The following NAV2 variants were observed in gnomAD, a reference collection of about 807,000 sequenced individuals.
The protein encoded by NAV2 is neuron navigator 2, also known as helicase, APC down-regulated 1.
Under a neutral mutation model 223.2 loss-of-function variants are expected in NAV2, and 54 were observed. The observed-to-expected ratio is 0.24, with a 90% CI of 0.19 to 0.30. The LOEUF is 0.30. Ranked by LOEUF, NAV2 falls within the 10% of genes least tolerant of loss-of-function variation. The pLI is 1.00. For synonymous variants in NAV2, 1,279 were observed against 1,239.3 expected (o/e 1.03, Z -0.67); for missense variants, 2,806 against 3,147.5 (o/e 0.89, Z 2.60).
At chr11:19,421,308 C>T (rs926982307) in intron 1 of NAV2, among the ~76,000 whole-genome samples, 2 of 152,178 alleles carry the variant, frequency 1.3e-5, no homozygotes, top group African/African-American at 4.8e-5. Flanking sequence ...GCCCAGCATC[C>T]ATCACAGAGG....
intron 26 of NAV2, among the ~76,000 whole-genome samples, chr11:20,086,549 T>C (rs1255344044): frequency 1.3e-5 from 2 of 151,918 alleles, no homozygotes; most frequent in Non-Finnish European, 2.9e-5. Flanking sequence ...GACATAGAGG[T>C]TTTCCTTGAT....
intron 6 of NAV2, among the ~76,000 whole-genome samples, chr11:19,926,025 T>A (rs2044714313): frequency 1.3e-5 from 2 of 152,180 alleles, no homozygotes; most frequent in South Asian, 4.1e-4. Flanking sequence ...GGCCTCCAAC[T>A]TTGTTCTTTT....
intron 3 of NAV2, among the ~76,000 whole-genome samples, chr11:19,846,299 C>T (rs2060805376): frequency 6.6e-6 from 1 of 152,178 alleles, no homozygotes; most frequent in Admixed American, 6.5e-5. Flanking sequence ...TGAGGCTCTT[C>T]TAGCCTCTGG....
intron 1 of NAV2, among the ~76,000 whole-genome samples, chr11:19,562,498 A>AT (rs199873266): frequency 1.6e-4 from 24 of 151,262 alleles, no homozygotes; most frequent in Admixed American, 2.6e-4. Context: ...GACTCTTCAT[A>AT]TTTTTTTTTC....
chr11:19,982,765 CCTTA>C (rs1276468211), intron 10 of NAV2, among the ~76,000 whole-genome samples: 2 of 152,078 alleles, frequency 1.3e-5, no homozygotes, highest in African/African-American at 4.8e-5. Context: ...CTTCTCTGCC[CCTTA>C]CTTGAACTTC....
chr11:19,879,726 A>AT, intron 4 of NAV2, 143 bp from the exon 5 acceptor site: 1 of 978,254 alleles, frequency 1.0e-6, no homozygotes, highest in Admixed American at 2.1e-5. Context: ...TATAGGCCTG[A>AT]TTTTAATTGC....
At chr11:19,826,820 T>C (rs964757006) in intron 1 of NAV2, among the ~76,000 whole-genome samples, 12 of 152,340 alleles carry the variant, frequency 7.9e-5, no homozygotes, top group African/African-American at 1.7e-4. Flanking sequence ...GCCCACATCA[T>C]GTAAGTCTCA....
chr11:19,987,888 T>A (rs2050938949), intron 11 of NAV2, among the ~76,000 whole-genome samples: 1 of 152,154 alleles, frequency 6.6e-6, no homozygotes, highest in Non-Finnish European at 1.5e-5. Context: ...TTATTACACA[T>A]CATAGGCTCC....
At chr11:19,878,798 C>A (rs936693552) in intron 4 of NAV2, among the ~76,000 whole-genome samples, 2 of 152,210 alleles carry the variant, frequency 1.3e-5, no homozygotes, top group African/African-American at 2.4e-5. Flanking sequence ...TGCCCCCCAA[C>A]TAAGCCTTGG....
At chr11:19,949,302 A>G (rs1041463291) in intron 10 of NAV2, among the ~76,000 whole-genome samples, 5 of 152,208 alleles carry the variant, frequency 3.3e-5, no homozygotes, top group African/African-American at 9.6e-5. Flanking sequence ...CAACAGAGTA[A>G]TACCTGAAAA....
intron 10 of NAV2, among the ~76,000 whole-genome samples, chr11:19,957,343 T>C (rs1235631778): frequency 6.6e-6 from 1 of 152,242 alleles, no homozygotes; most frequent in Non-Finnish European, 1.5e-5. Context: ...TGGTGTTAAA[T>C]ATCCCAGGCA....
At chr11:19,989,799 C>T (rs2051148962) in intron 11 of NAV2, among the ~76,000 whole-genome samples, 1 of 152,140 alleles carries the variant, frequency 6.6e-6, no homozygotes, top group South Asian at 2.1e-4. Context: ...CAGGGTTACA[C>T]ACCTAATGAG....
intron 1 of NAV2, among the ~76,000 whole-genome samples, chr11:19,376,623 C>T (rs1848650275): frequency 6.6e-6 from 1 of 152,184 alleles, no homozygotes; most frequent in Non-Finnish European, 1.5e-5. Flanking sequence ...TATAGCTATC[C>T]ATCCAAAACG....
At chr11:20,032,138 G>T (rs1434537403) in intron 11 of NAV2, among the ~76,000 whole-genome samples, 1 of 152,210 alleles carries the variant, frequency 6.6e-6, no homozygotes, top group Non-Finnish European at 1.5e-5. Flanking sequence ...TCCAGCTGCA[G>T]GGGCAGCTTT....
At chr11:19,709,955 T>C (rs985037828), upstream of NAV2, among the ~76,000 whole-genome samples, 2 of 152,306 alleles carry the variant, frequency 1.3e-5, no homozygotes, top group Admixed American at 1.3e-4. Context: ...CAGAATTTAG[T>C]TATATAAAAC....
intron 1 of NAV2, among the ~76,000 whole-genome samples, chr11:19,451,170 G>T (rs1231113950): frequency 1.3e-5 from 2 of 152,112 alleles, no homozygotes; most frequent in Admixed American, 6.5e-5. Flanking sequence ...AGCTCTGTCT[G>T]CCCCTTGTTT....
Position 19,998,465 on chromosome 11 carries a change from T to C in NAV2, c.2768+14218T>C, listed in dbSNP as rs981563599. On this transcript the variant is annotated intron_variant, in intron 11 of 37. Transcript: ENST00000349880. This position sits in a 1 kb window ranked among gnomAD's most constrained non-coding sequence, Gnocchi z 5.0. ...GTAACCTTAACATATACATCAGATC[T>C]CCTCTGCCCTTGCCTGAAACCCTCC... 6.6e-6 allele frequency among the ~76,000 whole-genome samples: 1 copy of C among 152,022 alleles called. No homozygotes were observed. The highest frequency in any genetic ancestry group is 1.5e-5 in the Non-Finnish European group (1 of 68,006).
intron 1 of NAV2, among the ~76,000 whole-genome samples, chr11:19,814,236 G>A (rs1217994084): frequency 5.3e-5 from 8 of 152,136 alleles, no homozygotes; most frequent in Admixed American, 4.6e-4. Context: ...TCTTAATTGT[G>A]GGCCTCAGCA....
intron 1 of NAV2, among the ~76,000 whole-genome samples, chr11:19,620,682 A>G (rs1440862160): frequency 6.6e-6 from 1 of 152,124 alleles, no homozygotes; most frequent in African/African-American, 2.4e-5. Flanking sequence ...GGATTTTCTA[A>G]ATATACAATC....
Sources: gnomAD v4.1 joint callset for allele counts (sites outside exome capture counted in the v4.1 genomes callset) on GRCh38, gnomAD v4.1.1 for gene constraint, Gnocchi (gnomAD v3.1) non-coding constraint, MANE v1.5 for transcripts, NCBI Gene and HGNC (gene_info 2026-07-23, HGNC 2026-07-21) for gene names.